The following ARL13A variants were observed in gnomAD, a reference collection of about 807,000 sequenced individuals.
ARL13A encodes the protein ADP-ribosylation factor-like protein 13A.
Under a neutral mutation model 19.1 loss-of-function variants are expected in ARL13A, and 16 were observed. The observed-to-expected ratio is 0.84, with a 90% CI of 0.57 to 1.27. The LOEUF (loss-of-function observed/expected upper bound fraction) is 1.27, where lower values mean the gene tolerates loss of function less well. Among genes scored for constraint, ARL13A ranks in the 50% most tolerant of loss-of-function variants. ARL13A has a pLI of 0.00. For synonymous variants in ARL13A, 69 were observed against 71.3 expected (o/e 0.97, Z 0.17); for missense variants, 153 against 186.4 (o/e 0.82, Z 1.04).
intron 1 of ARL13A, among the ~76,000 whole-genome samples, chrX:100,973,400 G>A (rs1394082650): frequency 9.7e-6 from 1 of 102,753 alleles, no homozygotes; most frequent in Non-Finnish European, 2.0e-5. Context: ...GGGCCCGTCC[G>A]CTCCTCCAGC....
At chrX:100,983,051 G>A (rs2085884222) in intron 3 of ARL13A, among the ~76,000 whole-genome samples, 1 of 110,818 alleles carries the variant, frequency 9.0e-6, no homozygotes, top group Non-Finnish European at 1.9e-5. Context: ...ATTATATGGT[G>A]CCCGGACCAT....
At chrX:100,985,009 T>C (rs762024044) in intron 3 of ARL13A, among the ~76,000 whole-genome samples, 10 of 112,633 alleles carry the variant, frequency 8.9e-5, no homozygotes, top group Non-Finnish European at 1.7e-4. Flanking sequence ...ATATGTGCTA[T>C]GACAATGGTA....
At chrX:100,976,954 G>C (rs984723961) in intron 3 of ARL13A, among the ~76,000 whole-genome samples, 5 of 112,757 alleles carry the variant, frequency 4.4e-5, no homozygotes, top group Admixed American at 9.4e-5. Flanking sequence ...ATGCCCGTCT[G>C]TAAGTAAGAA....
intron 4 of ARL13A, 66 bp from the exon 5 acceptor site, chrX:100,986,730 G>A (rs570006133): frequency 2.6e-5 from 18 of 696,624 alleles, no homozygotes; most frequent in South Asian, 2.2e-4. Flanking sequence ...TTCTTTTCTC[G>A]CCTTTTGCTT....
intron 1 of ARL13A, among the ~76,000 whole-genome samples, chrX:100,972,645 C>T (rs1281434278): frequency 9.6e-4 from 20 of 20,887 alleles, no homozygotes; most frequent in African/African-American, 3.7e-3. Context: ...CCGGACGGGG[C>T]GGCTGGCCGG....
chrX:100,980,851 G>C (rs1166266656), intron 3 of ARL13A, among the ~76,000 whole-genome samples: 1 of 111,669 alleles, frequency 9.0e-6, no homozygotes, highest in African/African-American at 3.3e-5. Flanking sequence ...AGGGCACTGG[G>C]TTCCCTTCTG....
At chrX:100,981,853 G>A (rs868749380) in intron 3 of ARL13A, among the ~76,000 whole-genome samples, 2 of 105,866 alleles carry the variant, frequency 1.9e-5, no homozygotes, top group Non-Finnish European at 3.9e-5. Context: ...TACTGTGATC[G>A]CTCACCTAAT....
At chrX:100,986,592 T>A (rs1026149070) in intron 4 of ARL13A, among the ~76,000 whole-genome samples, 1 of 112,358 alleles carries the variant, frequency 8.9e-6, no homozygotes, top group African/African-American at 3.2e-5. Flanking sequence ...TTCAAATGAT[T>A]TGTGCTATAC....
At chrX:100,975,633 T>C (rs969695679) in intron 3 of ARL13A, among the ~76,000 whole-genome samples, 20 of 84,285 alleles carry the variant, frequency 2.4e-4, no homozygotes, top group Admixed American at 1.8e-3. Flanking sequence ...TTTCTTTGCT[T>C]TTTTTTTTTT....
At chrX:100,986,272 T>G (rs1008552423) in intron 4 of ARL13A, among the ~76,000 whole-genome samples, 1 of 112,011 alleles carries the variant, frequency 8.9e-6, no homozygotes, top group Non-Finnish European at 1.9e-5. Flanking sequence ...AACCTCATGA[T>G]AGCAGAGAAC....
chrX:100,977,369 CTTTTTTTTTTTTTTTTTTTT>C lies in ARL13A; in HGVS notation c.130+3182_130+3201del, dbSNP rs59915769. Reference sequence around the variant, plus strand: ...GTAGTAATTATCCTTCTACTCTCTTCTTTTTTTTTTTTTTTTTTTTTTTTTTTTTGAGACGGAGTCTCGTT... The same window carrying C: ...GTAGTAATTATCCTTCTACTCTCTTCTTTTTTTTTGAGACGGAGTCTCGTT... On this transcript the variant is annotated intron_variant, in intron 3 of 7. Coordinates refer to ENST00000450049, the MANE Select transcript of ARL13A (RefSeq NM_001162491.2). Among the ~76,000 whole-genome samples, 12 of 56,470 alleles carry C rather than the reference CTTTTTTTTTTTTTTTTTTTT, an allele frequency of 2.1e-4. 1 individual carries two copies. In the Admixed American group the frequency reaches 2.8e-3, roughly 13 times the overall value. 49.0% of individuals were successfully genotyped at this position (56,470 alleles called of 115,157 possible).
chrX:100,974,036 T>C (rs760273657), intron 2 of ARL13A, 91 bp from the exon 3 acceptor site: 13 of 742,262 alleles, frequency 1.8e-5, no homozygotes, highest in Non-Finnish European at 2.6e-5. Context: ...GCAGGCAGAG[T>C]CCCAAACAAT....
At position 100,977,412 on chromosome X, in the gene ARL13A, G is replaced by A. The variant is rs1325613057; in HGVS notation, c.130+3215G>A. Among the ~76,000 whole-genome samples the A allele has an allele frequency of 8.6e-5, 7 of 81,734 alleles. No homozygotes were observed. The East Asian group carries it at 1.2e-3, about 14-fold the overall frequency. The allele number at this position is 81,734 out of a possible 115,157, so 71.0% of individuals were successfully genotyped here. ...TTTTTTTTTTTTGAGACGGAGTCTC[G>A]TTCTGTTGCTCAGGCTGGAGTGCAG... On this transcript the variant is annotated intron_variant, in intron 3 of 7. Transcript: ENST00000450049.
intron 7 of ARL13A, 97 bp from the exon 8 acceptor site, chrX:100,990,465 T>A: frequency 1.0e-6 from 1 of 987,899 alleles, no homozygotes. Flanking sequence ...TTTTTAAATT[T>A]CCATTTGATA....
chrX:100,986,738 C>T, intron 4 of ARL13A, 58 bp from the exon 5 acceptor site: 1 of 783,957 alleles, frequency 1.3e-6, no homozygotes, highest in South Asian at 3.0e-5. Context: ...TCGCCTTTTG[C>T]TTCTGTTTTG....
chrX:100,982,375 T>A (rs773130870), intron 3 of ARL13A, among the ~76,000 whole-genome samples: 1 of 110,272 alleles, frequency 9.1e-6, no homozygotes, highest in Admixed American at 9.7e-5. Context: ...GCCTGTAATC[T>A]CAGCTACGCA....
At chrX:100,988,355 C>A in intron 7 of ARL13A, 72 bp downstream of exon 7, 2 of 1,207,062 alleles carry the variant, frequency 1.7e-6, no homozygotes, top group South Asian at 1.8e-5. Context: ...AACTTTCCCC[C>A]CCATCATCTT....
chrX:100,978,636 A>T (rs746120549), intron 3 of ARL13A, among the ~76,000 whole-genome samples: 2 of 108,828 alleles, frequency 1.8e-5, no homozygotes, highest in African/African-American at 6.7e-5. Context: ...TTTTTTTTTT[A>T]AATCCACTCA....
At chrX:100,987,618 C>G in intron 6 of ARL13A, 62 bp downstream of exon 6, 1 of 1,148,301 alleles carries the variant, frequency 8.7e-7, no homozygotes, top group Non-Finnish European at 1.2e-6. Flanking sequence ...GTCTTTCTCA[C>G]GAGCAAGGAG....
Sources: allele counts gnomAD v4.1 joint callset (sites outside exome capture counted in the v4.1 genomes callset), GRCh38; gene constraint gnomAD v4.1.1; transcripts MANE v1.5; gene names NCBI Gene and HGNC (gene_info 2026-07-23, HGNC 2026-07-21).